The following ZC3H8 variants were observed in gnomAD, a reference collection of about 807,000 sequenced individuals.
ZC3H8 encodes zinc finger CCCH domain-containing protein 8.
Under a neutral mutation model 42.5 loss-of-function variants are expected in ZC3H8, and 27 were observed. That is an observed-to-expected ratio of 0.64 (90% CI 0.47 to 0.88). ZC3H8 has a LOEUF of 0.88. ZC3H8 is among the 40% of genes least tolerant of loss of function. The pLI is 0.00. For missense variants in ZC3H8, 277 were observed against 336.1 expected (o/e 0.82, Z 1.37); for synonymous variants, 101 against 110.1 (o/e 0.92, Z 0.52).
intron 8 of ZC3H8, among the ~76,000 whole-genome samples, chr2:112,222,441 G>C (rs1052281465): frequency 6.6e-6 from 1 of 152,166 alleles, no homozygotes; most frequent in Non-Finnish European, 1.5e-5. Flanking sequence ...AGGGCAAAAG[G>C]AGGCTGTGCC....
At chr2:112,220,427 T>C (rs1573882173) in intron 8 of ZC3H8, among the ~76,000 whole-genome samples, 1 of 152,216 alleles carries the variant, frequency 6.6e-6, no homozygotes, top group East Asian at 1.9e-4. Flanking sequence ...TGGCTGGATA[T>C]AAAATTCTTG....
chr2:112,224,509 A>G (rs567955909), intron 8 of ZC3H8, among the ~76,000 whole-genome samples: 2 of 152,328 alleles, frequency 1.3e-5, no homozygotes, highest in African/African-American at 4.8e-5. Flanking sequence ...AAAATACACT[A>G]TCATTGCTTT....
chr2:112,231,530 CAGG>C (rs1685088953), intron 7 of ZC3H8, among the ~76,000 whole-genome samples: 1 of 152,150 alleles, frequency 6.6e-6, no homozygotes, highest in Admixed American at 6.5e-5. Flanking sequence ...ATCTTTATAA[CAGG>C]AGTACTATTT....
At chr2:112,244,505 G>A (rs1319754736) in intron 2 of ZC3H8, among the ~76,000 whole-genome samples, 2 of 152,174 alleles carry the variant, frequency 1.3e-5, no homozygotes, top group Admixed American at 6.5e-5. Context: ...TATCTACAAA[G>A]AAAGTTATAG....
At chr2:112,235,268 A>G (rs181662405) in intron 4 of ZC3H8, among the ~76,000 whole-genome samples, 1 of 152,340 alleles carries the variant, frequency 6.6e-6, no homozygotes, top group Non-Finnish European at 1.5e-5. Flanking sequence ...TGTCTTATAA[A>G]TATCTGCCAG....
chr2:112,253,115 C>T (rs1433018853), intron 1 of ZC3H8, among the ~76,000 whole-genome samples: 1 of 151,976 alleles, frequency 6.6e-6, no homozygotes, highest in African/African-American at 2.4e-5. Context: ...GCCTGGGCGA[C>T]AGAGCCAGAC....
Position 112,215,261 on chromosome 2 carries a change from A to T in ZC3H8, c.*1223T>A, listed in dbSNP as rs1231299660. On this transcript the variant is annotated 3_prime_UTR_variant, in exon 9 of 9. Coordinates refer to ENST00000409573, the MANE Select transcript of ZC3H8 (RefSeq NM_032494.3). ...TATAAGGTTGTTATGAGACTTAAATAAGAAGTGCCTTGCCCACCTCCCGAG... is the reference window on the plus strand; with the variant it reads ...TATAAGGTTGTTATGAGACTTAAATTAGAAGTGCCTTGCCCACCTCCCGAG... The T allele has an allele frequency of 6.6e-6, 1 of 152,180 alleles. No homozygotes were observed. Among genetic ancestry groups the T allele is most frequent in the African/African-American group, 2.4e-5 (1 of 41,450 alleles). 9.4% of individuals were successfully genotyped at this position (152,180 alleles called of 1,614,324 possible). A position where few individuals can be genotyped will look rare whatever the true frequency, so the allele number is the denominator to read the frequency against.
At position 112,250,171 on chromosome 2, in the gene ZC3H8, A is replaced by G; in HGVS notation, c.156+20T>C. On this transcript the variant is annotated intron_variant, in intron 2 of 8. Transcript: ENST00000409573. Reference sequence around the variant, plus strand: ...AAAAATCTGCGTTTTCAACTTAAACAGTGGTCAACTTAATCTTACTTTTTT... The same window carrying G: ...AAAAATCTGCGTTTTCAACTTAAACGGTGGTCAACTTAATCTTACTTTTTT... The G allele has an allele frequency of 1.3e-6, 2 of 1,533,790 alleles. No homozygotes were observed. Among genetic ancestry groups the G allele is most frequent in the Non-Finnish European group, 1.8e-6 (2 of 1,137,542 alleles).
In ZC3H8 at chr2:112,212,106, G is replaced by C. The variant is rs1558911730; in HGVS notation, c.*4378C>G. The C allele has an allele frequency of 6.6e-6, 1 of 152,256 alleles. No individual in the cohort carries two copies. The highest frequency in any genetic ancestry group is 2.4e-5 in the African/African-American group (1 of 41,446). The allele number at this position is 152,256 out of a possible 1,614,324, so 9.4% of individuals were successfully genotyped here. A position where few individuals can be genotyped will look rare whatever the true frequency, so the allele number is the denominator to read the frequency against. ...GGGGGGAGGTCAAGGTCAAGGTGCT[G>C]GTATATTAGTGTGTGGTGAGGGCCT... On this transcript the variant is annotated 3_prime_UTR_variant, in exon 9 of 9. Coordinates refer to ENST00000409573, the MANE Select transcript of ZC3H8 (RefSeq NM_032494.3).
At chr2:112,225,633 A>G (rs1684789319) in intron 8 of ZC3H8, among the ~76,000 whole-genome samples, 1 of 152,244 alleles carries the variant, frequency 6.6e-6, no homozygotes, top group Non-Finnish European at 1.5e-5. Flanking sequence ...CGTGGCCAAC[A>G]TGGTGAAACT....
chr2:112,217,031 T>C (rs932843119), intron 8 of ZC3H8, among the ~76,000 whole-genome samples: 14 of 152,316 alleles, frequency 9.2e-5, no homozygotes, highest in Admixed American at 7.8e-4. Flanking sequence ...AAAACCCAAC[T>C]ACATATGTTC....
intron 7 of ZC3H8, among the ~76,000 whole-genome samples, chr2:112,231,484 T>C (rs1271373578): frequency 6.6e-6 from 1 of 152,216 alleles, no homozygotes; most frequent in Non-Finnish European, 1.5e-5. Flanking sequence ...TTCTAAAATG[T>C]TTATAAACCC....
At position 112,238,330 on chromosome 2, in the gene ZC3H8, T is replaced by C. The variant is rs781725342; in HGVS notation, c.355A>G (p.Lys119Glu). ...TGACTCTTACCCTGTGGGGTATCTT[T>C]TACTCCTTCTTTCTTTGTAGATTCT... ...PEESTKKEGV[K>E]DTPQAAKQKN... Residue 119 changes from lysine (K) to glutamate (E), a missense_variant, in exon 3 of 9, where the codon AAA becomes GAA. Physicochemically the swap from Lys to Glu is moderately conservative, Grantham distance 56. Coordinates refer to ENST00000409573, the MANE Select transcript of ZC3H8 (RefSeq NM_032494.3). The C allele has an allele frequency of 2.0e-5, 33 of 1,613,624 alleles. No homozygotes were observed. The highest frequency in any genetic ancestry group is 1.2e-4 in the Admixed American group (7 of 60,010).
In ZC3H8 at chr2:112,234,169, C is replaced by G; in HGVS notation, c.572G>C (p.Arg191Pro). 1 of 1,608,464 alleles carries G rather than the reference C, an allele frequency of 6.2e-7. No homozygotes were observed. The highest frequency in any genetic ancestry group is 1.7e-4 in the Middle Eastern group (1 of 6,056). ...ATATTTACAAATTTGTTTTCCCTTG[C>G]GTTCCACTGTATGTTGGTTGATGAA... ...QAFINQHTVE[R>P]KGKQICKYFL... The change falls in exon 5 of 9, where the codon CGC (arginine) becomes CCC (proline). Residue 191 changes from arginine (R) to proline (P), a missense_variant. Coordinates refer to ENST00000409573, the MANE Select transcript of ZC3H8 (RefSeq NM_032494.3).
Position 112,236,666 on chromosome 2 carries a change from C to A in ZC3H8, c.400G>T (p.Ala134Ser). 1 of 1,612,330 alleles carries A rather than the reference C, an allele frequency of 6.2e-7. No individual in the cohort carries two copies. The highest frequency in any genetic ancestry group is 1.1e-5 in the South Asian group (1 of 90,616). ...TTCTGTTTGCCATTCTTGTGACCAG[C>A]TTTAAGATTTTTATTTTTTTGTTTA... is the stretch of plus-strand genomic sequence containing the variant. Reference protein sequence around the residue: ...AAKQKNKNLKAGHKNGKQKKM... With the variant: ...AAKQKNKNLKSGHKNGKQKKM... Residue 134 changes from alanine (A) to serine (S), a missense_variant, in exon 4 of 9, where the codon GCT becomes TCT. By Grantham distance (99) the Ala-to-Ser change is moderately conservative. Coordinates refer to ENST00000409573, the MANE Select transcript of ZC3H8 (RefSeq NM_032494.3).
chr2:112,239,871 C>T (rs1415978815), intron 2 of ZC3H8, among the ~76,000 whole-genome samples: 1 of 152,152 alleles, frequency 6.6e-6, no homozygotes, highest in Non-Finnish European at 1.5e-5. Context: ...AGCCATGAGC[C>T]ACCATGCCCG....
intron 1 of ZC3H8, among the ~76,000 whole-genome samples, chr2:112,252,455 C>T (rs1274273418): frequency 6.6e-6 from 1 of 152,208 alleles, no homozygotes; most frequent in Non-Finnish European, 1.5e-5. Flanking sequence ...CTCTGGCACC[C>T]CTACATTCTA....
At chr2:112,237,731 A>G (rs1267779927) in intron 3 of ZC3H8, among the ~76,000 whole-genome samples, 1 of 151,964 alleles carries the variant, frequency 6.6e-6, no homozygotes, top group Non-Finnish European at 1.5e-5. Flanking sequence ...ATGTGCCACC[A>G]TACCCTGATA....
intron 3 of ZC3H8, among the ~76,000 whole-genome samples, chr2:112,238,092 C>G (rs1345518223): frequency 1.3e-5 from 2 of 152,136 alleles, no homozygotes; most frequent in African/African-American, 4.8e-5. Flanking sequence ...GATAACCCAC[C>G]TCCATCCTCC....
Sources: allele counts gnomAD v4.1 joint callset (sites outside exome capture counted in the v4.1 genomes callset), GRCh38; gene constraint gnomAD v4.1.1; transcripts MANE v1.5; gene names NCBI Gene and HGNC (gene_info 2026-07-23, HGNC 2026-07-21).